RBBP4: variants seen among roughly 807,000 people sequenced by gnomAD.
RBBP4 encodes RB binding protein 4, chromatin remodeling factor.
Under a neutral mutation model 57.2 loss-of-function variants are expected in RBBP4, and 3 were observed. The observed-to-expected ratio is 0.05, with a 90% CI of 0.02 to 0.14. The LOEUF is 0.14. Among genes scored for constraint, RBBP4 ranks in the 10% least tolerant of loss-of-function variants. The probability of loss-of-function intolerance (pLI) is 1.00; values close to 1 mark genes in which losing one functional copy is unlikely to be tolerated. For synonymous variants in RBBP4, 151 were observed against 171.5 expected (o/e 0.88, Z 0.93); for missense variants, 107 against 520.6 (o/e 0.21, Z 7.73).
intron 4 of RBBP4, 21 bp downstream of exon 4, chr1:32,668,419 A>G (rs779144065): frequency 9.0e-6 from 14 of 1,547,600 alleles, no homozygotes; most frequent in African/African-American, 1.4e-5. Flanking sequence ...TTTTCTATTC[A>G]AATACAAATG....
intron 2 of RBBP4, among the ~76,000 whole-genome samples, chr1:32,656,219 T>C (rs975143902): frequency 6.6e-6 from 1 of 152,160 alleles, no homozygotes; most frequent in Non-Finnish European, 1.5e-5. Context: ...AGACAGGAAG[T>C]AGTCTTTCTC....
intron 11 of RBBP4, among the ~76,000 whole-genome samples, chr1:32,678,300 C>A (rs1649202556): frequency 6.6e-6 from 1 of 151,536 alleles, no homozygotes; most frequent in African/African-American, 2.4e-5. Flanking sequence ...GATCTTGGCT[C>A]ACTGCAACCT....
chr1:32,681,554 A>G lies in RBBP4; in HGVS notation c.*1849A>G. 1 of 536,524 alleles carries G rather than the reference A, an allele frequency of 1.9e-6. No homozygotes were observed. The highest frequency in any genetic ancestry group is 3.3e-6 in the Non-Finnish European group (1 of 300,314). The allele number at this position is 536,524 out of a possible 1,614,324, so 33.2% of individuals were successfully genotyped here. ...TACATTCATCCTTCACTCAGTGCATATGTGAGGGTTGTTGCTGGAAGACAG... is the reference window on the plus strand; with the variant it reads ...TACATTCATCCTTCACTCAGTGCATGTGTGAGGGTTGTTGCTGGAAGACAG... On this transcript the variant is annotated 3_prime_UTR_variant, in exon 12 of 12. Transcript: ENST00000373493.
chr1:32,662,984 C>CA (rs931487252), intron 3 of RBBP4, among the ~76,000 whole-genome samples: 1 of 151,300 alleles, frequency 6.6e-6, no homozygotes, highest in African/African-American at 2.4e-5. Context: ...AGACTCGTCT[C>CA]AAAAAAACAT....
At chr1:32,665,577 C>T (rs2148524054) in intron 3 of RBBP4, among the ~76,000 whole-genome samples, 1 of 151,058 alleles carries the variant, frequency 6.6e-6, no homozygotes, top group South Asian at 2.1e-4. Flanking sequence ...ACTCAGGGGG[C>T]TGAGGCAGGA....
chr1:32,655,296 T>C (rs1379148440), intron 2 of RBBP4, among the ~76,000 whole-genome samples: 1 of 152,180 alleles, frequency 6.6e-6, no homozygotes, highest in African/African-American at 2.4e-5. Context: ...TTTTTTAAGA[T>C]GAGGATTACT....
Position 32,684,102 on chromosome 1 carries a change from A to C in RBBP4, c.*4397A>C, listed in dbSNP as rs920347682. ...TAGTAGCATAGCCCTTTAAAAAGAG[A>C]GAGCCATTTTCCATGTGTTTTTGGA... is the stretch of plus-strand genomic sequence containing the variant. On this transcript the variant is annotated 3_prime_UTR_variant, in exon 12 of 12. Coordinates refer to ENST00000373493, the MANE Select transcript of RBBP4 (RefSeq NM_005610.3). 1.1e-5 allele frequency: 17 copies of C among 1,612,990 alleles called. 1 individual carries two copies. Among genetic ancestry groups the C allele is most frequent in the African/African-American group, 8.0e-5 (6 of 74,830 alleles).
intron 8 of RBBP4, among the ~76,000 whole-genome samples, chr1:32,672,221 C>T (rs1648909081): frequency 6.6e-6 from 1 of 152,028 alleles, no homozygotes; most frequent in Non-Finnish European, 1.5e-5. Flanking sequence ...AACTCCTGAC[C>T]TCATGTGATC....
chr1:32,673,692 TC>T (rs1648972816), intron 11 of RBBP4: 3 of 188,860 alleles, frequency 1.6e-5, no homozygotes, highest in African/African-American at 7.2e-5. Flanking sequence ...CACCTCGACC[TC>T]CCGGAGTGCT....
chr1:32,652,274 A>C, intron 2 of RBBP4: 1 of 545,882 alleles, frequency 1.8e-6, no homozygotes, highest in South Asian at 2.5e-5. Flanking sequence ...TTTTCTCAAT[A>C]CTGAATTAAA....
At chr1:32,659,980 A>G (rs1648329348) in intron 3 of RBBP4, among the ~76,000 whole-genome samples, 1 of 152,220 alleles carries the variant, frequency 6.6e-6, no homozygotes, top group South Asian at 2.1e-4. Flanking sequence ...CCAGAAAAAG[A>G]TTTGAAGTCC....
Position 32,653,653 on chromosome 1 carries a change from T to G in RBBP4, c.164+1592T>G, listed in dbSNP as rs1648001302. Among the ~76,000 whole-genome samples the G allele has an allele frequency of 2.5e-4, 12 of 47,238 alleles. 1 individual carries two copies. The highest frequency in any genetic ancestry group is 7.4e-4 in the South Asian group (1 of 1,350). The allele number at this position is 47,238 out of a possible 152,430, so 31.0% of individuals were successfully genotyped here. The stretch of plus-strand genomic sequence containing the variant: ...TGTTTTCTGGTTTTTTTTTTTTTTT[T>G]TTTTTTGTTTTTGTTTTTTTTTTTG... On this transcript the variant is annotated intron_variant, in intron 2 of 11. Coordinates refer to ENST00000373493, the MANE Select transcript of RBBP4 (RefSeq NM_005610.3).
intron 3 of RBBP4, among the ~76,000 whole-genome samples, chr1:32,665,708 A>G (rs1648616713): frequency 6.7e-6 from 1 of 150,358 alleles, no homozygotes; most frequent in South Asian, 2.1e-4. Flanking sequence ...ACTATATAGC[A>G]ATGCAATTGA....
intron 11 of RBBP4, among the ~76,000 whole-genome samples, chr1:32,677,000 C>G (rs1001593389): frequency 3.3e-5 from 5 of 152,164 alleles, no homozygotes; most frequent in African/African-American, 1.2e-4. Flanking sequence ...GCCATCACCT[C>G]CATTCCAAGT....
intron 2 of RBBP4, among the ~76,000 whole-genome samples, chr1:32,656,868 A>G (rs1648165847): frequency 6.6e-6 from 1 of 152,200 alleles, no homozygotes. Flanking sequence ...CAAAATTATT[A>G]GCATACCCAA....
chr1:32,672,938 A>G, intron 11 of RBBP4, 37 bp downstream of exon 11: 1 of 1,465,236 alleles, frequency 6.8e-7, no homozygotes, highest in Non-Finnish European at 9.5e-7. Context: ...GAGGTGAAAT[A>G]AGTGAGACAT....
chr1:32,677,430 T>G (rs1649147822), intron 11 of RBBP4, among the ~76,000 whole-genome samples: 1 of 151,040 alleles, frequency 6.6e-6, no homozygotes, highest in Non-Finnish European at 1.5e-5. Context: ...CCTTGCCGTA[T>G]GCATCTCTTC....
chr1:32,677,149 C>T (rs1649138584), intron 11 of RBBP4, among the ~76,000 whole-genome samples: 1 of 152,050 alleles, frequency 6.6e-6, no homozygotes, highest in Non-Finnish European at 1.5e-5. Flanking sequence ...TCCTAGTGAT[C>T]CACTTTGGAC....
Position 32,677,482 on chromosome 1 carries a change from C to A in RBBP4, c.1213-2158C>A, listed in dbSNP as rs200887762. On this transcript the variant is annotated intron_variant, in intron 11 of 11. Transcript: ENST00000373493. ...TGTATCCTTTATTTAAAAAAAAAAA[C>A]AAAACAAAAAACAAACAAAAAACAG... Among the ~76,000 whole-genome samples, 774 of 84,402 alleles carry A rather than the reference C, an allele frequency of 9.2e-3. 9 individuals are homozygous for A. In the South Asian group the frequency reaches 0.11, roughly 12 times the overall value. 55.4% of individuals were successfully genotyped at this position (84,402 alleles called of 152,430 possible).
Sources: allele counts gnomAD v4.1 joint callset (sites outside exome capture counted in the v4.1 genomes callset), GRCh38; gene constraint gnomAD v4.1.1; transcripts MANE v1.5; gene names NCBI Gene and HGNC (gene_info 2026-07-23, HGNC 2026-07-21).